FNBP1: variants seen among roughly 807,000 people sequenced by gnomAD.
FNBP1 encodes the protein formin-binding protein 1.
In FNBP1, 26 loss-of-function variants were observed where a neutral mutation model predicts 90.6. The ratio of observed to expected loss-of-function variants is 0.29; its 90% CI spans 0.21 to 0.40. The LOEUF (loss-of-function observed/expected upper bound fraction) is 0.40, where lower values mean the gene tolerates loss of function less well. Ranked by LOEUF, FNBP1 falls within the 10% of genes least tolerant of loss-of-function variation. The pLI is 1.00. For synonymous variants in FNBP1, 260 were observed against 265.2 expected (o/e 0.98, Z 0.19); for missense variants, 635 against 768.0 (o/e 0.83, Z 2.05).
At chr9:129,905,294 G>GTGTATATATATATATATATATATATA (rs374989661) in intron 12 of FNBP1, among the ~76,000 whole-genome samples, 2 of 132,326 alleles carry the variant, frequency 1.5e-5, no homozygotes, top group African/African-American at 2.9e-5. Flanking sequence ...GTGTGTGTGT[G>GTGTATATATATATATATATATATATA]TATATATATA....
At chr9:129,898,456 T>C (rs958077804) in intron 15 of FNBP1, among the ~76,000 whole-genome samples, 7 of 151,648 alleles carry the variant, frequency 4.6e-5, no homozygotes, top group South Asian at 2.1e-4. Flanking sequence ...GTCCTCCCCG[T>C]TCCTCTGTAT....
chr9:129,964,158 T>C (rs951594919), intron 4 of FNBP1, among the ~76,000 whole-genome samples: 17 of 152,234 alleles, frequency 1.1e-4, no homozygotes, highest in Admixed American at 3.3e-4. Context: ...CCAGATGTAT[T>C]TGTTGTTTAC....
In FNBP1 at chr9:129,952,977, G is replaced by A. The variant is rs369129847; in HGVS notation, c.513+4383C>T. 7.4e-4 allele frequency among the ~76,000 whole-genome samples: 112 copies of A among 152,286 alleles called. No homozygotes were observed. In the South Asian group the frequency reaches 0.014, roughly 19 times the overall value. On this transcript the variant is annotated intron_variant, in intron 6 of 16. Transcript: ENST00000446176. ...GGATGTTACACATTTTTCTCAGAAA[G>A]TGTTAGAACAAGTTGAAAAACAAAA...
chr9:129,946,966 G>A (rs2045390006), intron 6 of FNBP1, among the ~76,000 whole-genome samples: 1 of 152,104 alleles, frequency 6.6e-6, no homozygotes, highest in Non-Finnish European at 1.5e-5. Context: ...TAAACCCATT[G>A]CTACACTATC....
chr9:130,042,826 G>T lies in FNBP1; in HGVS notation c.24+126C>A. 1 of 559,816 alleles carries T rather than the reference G, an allele frequency of 1.8e-6. No homozygotes were observed. Among genetic ancestry groups the T allele is most frequent in the Non-Finnish European group, 2.6e-6 (1 of 380,768 alleles). 34.7% of individuals were successfully genotyped at this position (559,816 alleles called of 1,614,324 possible). A position where few individuals can be genotyped will look rare whatever the true frequency, so the allele number is the denominator to read the frequency against. On this transcript the variant is annotated intron_variant, in intron 1 of 16. Coordinates refer to ENST00000446176, the MANE Select transcript of FNBP1 (RefSeq NM_015033.3). This position sits in a 1 kb window ranked among gnomAD's most constrained non-coding sequence, Gnocchi z 5.5. The stretch of plus-strand genomic sequence containing the variant: ...CATTGGAACCCCGCCTCCTCCCCAG[G>T]CCGCGAGGACCCCGACCAGCGCGCC...
Position 129,888,455 on chromosome 9 carries a change from C to T in FNBP1, c.*2084G>A. ...CTGTTGGTTTGCAGGGACAGAGGTGCGGCCCTGACTCTTCTCACCCTGTGT... is the reference window on the plus strand; with the variant it reads ...CTGTTGGTTTGCAGGGACAGAGGTGTGGCCCTGACTCTTCTCACCCTGTGT... On this transcript the variant is annotated 3_prime_UTR_variant, in exon 17 of 17. Coordinates refer to ENST00000446176, the MANE Select transcript of FNBP1 (RefSeq NM_015033.3). 4.3e-6 allele frequency: 1 copy of T among 232,472 alleles called. No individual in the cohort carries two copies. The highest frequency in any genetic ancestry group is 2.2e-5 in the African/African-American group (1 of 45,414). The allele number at this position is 232,472 out of a possible 1,614,324, so 14.4% of individuals were successfully genotyped here. A position where few individuals can be genotyped will look rare whatever the true frequency, so the allele number is the denominator to read the frequency against.
At chr9:129,958,700 G>A (rs2047316134) in intron 4 of FNBP1, 147 bp from the exon 5 acceptor site, 1 of 642,694 alleles carries the variant, frequency 1.6e-6, no homozygotes, top group Admixed American at 3.0e-5. Flanking sequence ...GAAAGGGGTA[G>A]CCGGGTGCGG....
In FNBP1 at chr9:129,999,553, G is replaced by C. The variant is rs185571341; in HGVS notation, c.25-4595C>G. ...GGAGAGGTTGCAGTGAGTGGAAATC[G>C]CACCACTGCACTCCAGCCTGGGGCG... On this transcript the variant is annotated intron_variant, in intron 1 of 16. Transcript: ENST00000446176. Among the ~76,000 whole-genome samples the C allele has an allele frequency of 2.3e-4, 35 of 150,872 alleles. No individual in the cohort carries two copies. In the East Asian group the frequency reaches 6.5e-3, roughly 28 times the overall value.
chr9:130,020,974 T>C (rs1376082667), intron 1 of FNBP1, among the ~76,000 whole-genome samples: 4 of 152,060 alleles, frequency 2.6e-5, no homozygotes, highest in African/African-American at 9.7e-5. Flanking sequence ...TCCCTGCCTC[T>C]GATTTTTAAA....
intron 4 of FNBP1, among the ~76,000 whole-genome samples, chr9:129,959,045 C>T (rs1250139412): frequency 2.7e-5 from 2 of 75,398 alleles, no homozygotes; most frequent in Non-Finnish European, 5.4e-5. Flanking sequence ...GAAACGAAAA[C>T]AAGAATAGTC....
At chr9:130,037,251 G>A (rs973342659) in intron 1 of FNBP1, among the ~76,000 whole-genome samples, 2 of 151,856 alleles carry the variant, frequency 1.3e-5, no homozygotes, top group African/African-American at 4.8e-5. Context: ...CTACTCAGGA[G>A]GCTGAGGCAT....
chr9:129,996,196 A>G (rs2053974265), intron 1 of FNBP1, among the ~76,000 whole-genome samples: 1 of 152,198 alleles, frequency 6.6e-6, no homozygotes, highest in Admixed American at 6.5e-5. Flanking sequence ...GAGAGCTGGA[A>G]ACACAGAAGG....
rs994173254 is a variant in FNBP1, at chr9:129,927,070, C to G, written c.789+125G>C. 1.4e-5 allele frequency: 12 copies of G among 871,304 alleles called. No homozygotes were observed. The East Asian group carries it at 2.9e-4, about 21-fold the overall frequency. 54.0% of individuals were successfully genotyped at this position (871,304 alleles called of 1,614,324 possible). On this transcript the variant is annotated intron_variant, in intron 8 of 16. Coordinates refer to ENST00000446176, the MANE Select transcript of FNBP1 (RefSeq NM_015033.3). ...ATACAGCTAAATCCAAGACACAGAG[C>G]ATGTGTGACCACCAAAAGCAACCAT...
intron 6 of FNBP1, among the ~76,000 whole-genome samples, chr9:129,932,250 A>C (rs1391512204): frequency 6.6e-6 from 1 of 152,224 alleles, no homozygotes; most frequent in African/African-American, 2.4e-5. Flanking sequence ...AAACGAATGA[A>C]AGAGAAAGAA....
chr9:129,953,223 C>T (rs1452449283), intron 6 of FNBP1, among the ~76,000 whole-genome samples: 2 of 152,106 alleles, frequency 1.3e-5, no homozygotes, highest in Admixed American at 1.3e-4. Flanking sequence ...TGGTGGCTCA[C>T]GCCTGTAATC....
intron 6 of FNBP1, among the ~76,000 whole-genome samples, chr9:129,932,892 G>C (rs150191607): frequency 2.0e-5 from 3 of 151,842 alleles, no homozygotes; most frequent in African/African-American, 7.3e-5. Context: ...TCTGTTCCCC[G>C]AGCCCGTCCA....
In FNBP1 at chr9:129,981,642, G is replaced by A. The variant is rs116943481; in HGVS notation, c.141-2268C>T. Among the ~76,000 whole-genome samples, 991 of 151,826 alleles carry A rather than the reference G, an allele frequency of 6.5e-3. 4 individuals carry two copies. Among genetic ancestry groups the A allele is most frequent in the East Asian group, 0.013 (66 of 5,178 alleles). On this transcript the variant is annotated intron_variant, in intron 2 of 16. Coordinates refer to ENST00000446176, the MANE Select transcript of FNBP1 (RefSeq NM_015033.3). ...CTACTAGATGACGGGAGAGGCCACC[G>A]GCTTCAGTACAAAGGGCATTGCTCT...
intron 6 of FNBP1, among the ~76,000 whole-genome samples, chr9:129,934,401 C>A (rs537806365): frequency 6.6e-6 from 1 of 152,174 alleles, no homozygotes. Context: ...GAATAACCCC[C>A]GCTGCCTAGG....
chr9:130,017,912 C>T (rs1589289594), intron 1 of FNBP1, among the ~76,000 whole-genome samples: 2 of 103,820 alleles, frequency 1.9e-5, no homozygotes, highest in Non-Finnish European at 4.1e-5. Context: ...ATACAACACT[C>T]TTCTTTTTTT....
Sources: gnomAD v4.1 joint callset for allele counts (sites outside exome capture counted in the v4.1 genomes callset) on GRCh38, gnomAD v4.1.1 for gene constraint, Gnocchi (gnomAD v3.1) non-coding constraint, MANE v1.5 for transcripts, NCBI Gene and HGNC (gene_info 2026-07-23, HGNC 2026-07-21) for gene names.